Variants in ADGRB2 observed in about 807,000 individuals in gnomAD.
ADGRB2 encodes adhesion G protein-coupled receptor B2, also known as brain-specific angiogenesis inhibitor 2.
ADGRB2 carries 47 observed loss-of-function variants against 178.7 expected under a neutral mutation model. The observed-to-expected ratio is 0.26, with a 90% CI of 0.21 to 0.34. The LOEUF (loss-of-function observed/expected upper bound fraction) is 0.34, where lower values mean the gene tolerates loss of function less well. ADGRB2 is among the 10% of genes least tolerant of loss of function. The pLI is 1.00. For missense variants in ADGRB2, 1,584 were observed against 2,180.8 expected (o/e 0.73, Z 5.45); for synonymous variants, 870 against 912.4 (o/e 0.95, Z 0.84).
chr1:31,746,464 C>T (rs1042578997), intron 4 of ADGRB2, among the ~76,000 whole-genome samples: 1 of 152,136 alleles, frequency 6.6e-6, no homozygotes, highest in Non-Finnish European at 1.5e-5. Context: ...ACAAGCTACC[C>T]TCTCCACGCC....
At chr1:31,732,375 G>C in intron 27 of ADGRB2, 142 bp downstream of exon 27, 2 of 1,155,546 alleles carry the variant, frequency 1.7e-6, no homozygotes, top group Admixed American at 4.1e-5. Flanking sequence ...ATGCCACCCA[G>C]GTGTTAGTGG....
rs1228282569 is a variant in ADGRB2 at position 31,738,847 on chromosome 1, G to C, written c.2586C>G (p.Leu862=). Residue 862 remains leucine, a synonymous_variant, in exon 16 of 33, where the codon CTC becomes CTG. Transcript: ENST00000373658. The part of the protein sequence containing the change: ...PPAEPLITVE[L]SYIINGTTDP... The stretch of plus-strand genomic sequence containing the variant: ...CTCCACTCACATTGATGATGTAGGA[G>C]AGCTCCACAGTGATGAGGGGCTCAG... 6.2e-7 allele frequency: 1 copy of C among 1,614,104 alleles called. No individual in the cohort carries two copies. The highest frequency in any genetic ancestry group is 8.5e-7 in the Non-Finnish European group (1 of 1,180,024).
intron 29 of ADGRB2, among the ~76,000 whole-genome samples, chr1:31,729,099 C>A (rs1193342507): frequency 1.3e-5 from 2 of 152,120 alleles, no homozygotes; most frequent in Non-Finnish European, 2.9e-5. Context: ...GGCGCTGCCT[C>A]CCTGGCCTCT....
rs764872845 is a variant in ADGRB2, at chr1:31,739,484, C to T, written c.2319G>A (p.Lys773=). The change falls in exon 15 of 33, where the codon AAG becomes AAA. Residue 773 remains lysine, a synonymous_variant. Transcript: ENST00000373658. ...TGCCTGCTGCCCCAGATGTGGCTGG[C>T]TTCCCTGGGGAGGAGAGGCTGAGCA... is the stretch of plus-strand genomic sequence containing the variant. The part of the protein sequence containing the change: ...KEVLSLSSPG[K]PATSGAAGSP... 3 of 1,611,334 alleles carry T rather than the reference C, an allele frequency of 1.9e-6. No homozygotes were observed. The Admixed American group carries it at 5.0e-5, about 27-fold the overall frequency.
In ADGRB2 at chr1:31,728,505, G is replaced by A; in HGVS notation, c.4416+93C>T. 3.8e-6 allele frequency: 6 copies of A among 1,580,128 alleles called. No homozygotes were observed. Among genetic ancestry groups the A allele is most frequent in the Non-Finnish European group, 5.2e-6 (6 of 1,149,582 alleles). On this transcript the variant is annotated intron_variant, in intron 30 of 32. Coordinates refer to ENST00000373658, the MANE Select transcript of ADGRB2 (RefSeq NM_001364857.2). The surrounding 1 kb of genome is among the most constrained non-coding windows in gnomAD (Gnocchi z 6.7). ...GCTTGGGCTCCTGGGGTCAGGCTCT[G>A]CAACAGAGCTTGGACTACTTTTAGG...
chr1:31,738,890 G>A lies in ADGRB2; in HGVS notation c.2543C>T (p.Pro848Leu). ...TSRVMTVTVR[P>L]PTQPPAEPLI... is the part of the protein sequence containing the mutation. Reference sequence around the variant, plus strand: ...GGGCTCAGCTGGAGGCTGGGTAGGGGGGCGCACAGTCACTGTCATCACCCG... The same window carrying A: ...GGGCTCAGCTGGAGGCTGGGTAGGGAGGCGCACAGTCACTGTCATCACCCG... The change falls in exon 16 of 33, where the codon CCC becomes CTC. Residue 848 changes from proline to leucine, a missense_variant. Physicochemically the swap from Pro to Leu is moderately conservative, Grantham distance 98 (BLOSUM62 -3). Coordinates refer to ENST00000373658, the MANE Select transcript of ADGRB2 (RefSeq NM_001364857.2). The A allele has an allele frequency of 1.2e-6, 2 of 1,613,848 alleles. No homozygotes were observed. The highest frequency in any genetic ancestry group is 1.7e-6 in the Non-Finnish European group (2 of 1,179,992).
intron 4 of ADGRB2, among the ~76,000 whole-genome samples, chr1:31,746,601 C>T (rs761408558): frequency 2.2e-4 from 34 of 152,190 alleles, no homozygotes; most frequent in Non-Finnish European, 3.8e-4. Context: ...CTTCCTCATT[C>T]CCCGCTGTGG....
At chr1:31,743,415 C>CCCTT (rs1435219686) in intron 6 of ADGRB2, 2 of 166,020 alleles carry the variant, frequency 1.2e-5, no homozygotes, top group Non-Finnish European at 2.5e-5. Context: ...AAGAGAAGCG[C>CCCTT]CCTTCCCAGC....
At chr1:31,757,626 A>C in intron 1 of ADGRB2, 115 bp from the exon 2 acceptor site, 1 of 228,922 alleles carries the variant, frequency 4.4e-6, no homozygotes, top group Non-Finnish European at 8.7e-6. Flanking sequence ...CTCATCTGTA[A>C]AATGGGTGCA....
Position 31,728,447 on chromosome 1 carries a change from G to T in ADGRB2, c.4416+151C>A. The T allele has an allele frequency of 1.5e-6, 2 of 1,370,996 alleles. No homozygotes were observed. Among genetic ancestry groups the T allele is most frequent in the South Asian group, 1.2e-5 (1 of 83,986 alleles). The allele number at this position is 1,370,996 out of a possible 1,614,324, so 84.9% of individuals were successfully genotyped here. ...TTGGTGCTATGGGCTTGGGCAGGGA[G>T]GGAATCATGGGAAGATCCCACGGAA... On this transcript the variant is annotated intron_variant, in intron 30 of 32. Coordinates refer to ENST00000373658, the MANE Select transcript of ADGRB2 (RefSeq NM_001364857.2). The surrounding 1 kb of genome is among the most constrained non-coding windows in gnomAD (Gnocchi z 6.7).
chr1:31,736,306 G>A lies in ADGRB2; in HGVS notation c.3200+15C>T, dbSNP rs769617112. On this transcript the variant is annotated intron_variant, in intron 22 of 32. Coordinates refer to ENST00000373658, the MANE Select transcript of ADGRB2 (RefSeq NM_001364857.2). ...TCCACTACCCGCTACCACCCACCACGGGAGGCCCACGTACTAGCTGGATGT... is the reference window on the plus strand; with the variant it reads ...TCCACTACCCGCTACCACCCACCACAGGAGGCCCACGTACTAGCTGGATGT... 9.9e-6 allele frequency: 16 copies of A among 1,613,446 alleles called. No individual in the cohort carries two copies. The highest frequency in any genetic ancestry group is 8.0e-5 in the African/African-American group (6 of 74,908).
chr1:31,740,893 G>A lies in ADGRB2; in HGVS notation c.1795-352C>T, dbSNP rs371156984. 3.0e-4 allele frequency among the ~76,000 whole-genome samples: 10 copies of A among 33,762 alleles called. No individual in the cohort carries two copies. The highest frequency in any genetic ancestry group is 1.0e-3 in the East Asian group (1 of 966). The allele number at this position is 33,762 out of a possible 152,430, so 22.1% of individuals were successfully genotyped here. On this transcript the variant is annotated intron_variant, in intron 11 of 32. Coordinates refer to ENST00000373658, the MANE Select transcript of ADGRB2 (RefSeq NM_001364857.2). This position sits in a 1 kb window ranked among gnomAD's most constrained non-coding sequence, Gnocchi z 5.9. ...GTAATGAGCATGTGTGTGGGCGCGC[G>A]CGCACACACACACACACACACACAC... is the stretch of plus-strand genomic sequence containing the variant.
At position 31,761,792 on chromosome 1, in the gene ADGRB2, G is replaced by A. The variant is rs1159856050; in HGVS notation, c.-191+2092C>T. 1.3e-5 allele frequency among the ~76,000 whole-genome samples: 2 copies of A among 152,162 alleles called. No individual in the cohort carries two copies. Among genetic ancestry groups the A allele is most frequent in the African/African-American group, 4.8e-5 (2 of 41,424 alleles). ...TTTTTCTCCTTTGGGATTAGGAGTG[G>A]AGTGGAGAGGGGCCTGACCTTGGCC... On this transcript the variant is annotated intron_variant, in intron 1 of 32. Transcript: ENST00000373658. This position sits in a 1 kb window ranked among gnomAD's most constrained non-coding sequence, Gnocchi z 4.2.
chr1:31,757,718 A>T (rs889554819), intron 1 of ADGRB2, among the ~76,000 whole-genome samples: 1 of 150,272 alleles, frequency 6.7e-6, no homozygotes, highest in East Asian at 2.0e-4. Context: ...CTGCTACCCC[A>T]CCCCCCACTA....
Position 31,755,341 on chromosome 1 carries a change from G to A in ADGRB2, c.838+658C>T, listed in dbSNP as rs993413934. ...AGAGCTTTTGCCCAGTCAGCAGGAA[G>A]CTCTAGCAGCTGGCGGCCTCGGTCC... On this transcript the variant is annotated intron_variant, in intron 4 of 32. Coordinates refer to ENST00000373658, the MANE Select transcript of ADGRB2 (RefSeq NM_001364857.2). This position sits in a 1 kb window ranked among gnomAD's most constrained non-coding sequence, Gnocchi z 5.1. Among the ~76,000 whole-genome samples, 1 of 152,194 alleles carries A rather than the reference G, an allele frequency of 6.6e-6. No homozygotes were observed. Among genetic ancestry groups the A allele is most frequent in the African/African-American group, 2.4e-5 (1 of 41,446 alleles).
In ADGRB2 at chr1:31,737,782, T is replaced by C. The variant is rs1356573509; in HGVS notation, c.2773-27A>G. 1.4e-5 allele frequency: 22 copies of C among 1,604,170 alleles called. 1 individual carries two copies. In the Admixed American group the frequency reaches 3.7e-4, roughly 27 times the overall value. ...TGGGGAAGATGGGCAGACAGTCAGATGGGTTCCTGGGAGGGGGGAGCTGCA... is the reference window on the plus strand; with the variant it reads ...TGGGGAAGATGGGCAGACAGTCAGACGGGTTCCTGGGAGGGGGGAGCTGCA... On this transcript the variant is annotated intron_variant, in intron 18 of 32. Coordinates refer to ENST00000373658, the MANE Select transcript of ADGRB2 (RefSeq NM_001364857.2).
intron 4 of ADGRB2, among the ~76,000 whole-genome samples, chr1:31,749,748 C>T (rs1646465117): frequency 6.6e-6 from 1 of 152,134 alleles, no homozygotes; most frequent in Non-Finnish European, 1.5e-5. Flanking sequence ...CCCGTCTCTA[C>T]AAAGAAATAC....
In ADGRB2 at chr1:31,739,388, T is replaced by C; in HGVS notation, c.2415A>G (p.Pro805=). 1.9e-6 allele frequency: 3 copies of C among 1,541,748 alleles called. No individual in the cohort carries two copies. The highest frequency in any genetic ancestry group is 2.6e-6 in the Non-Finnish European group (3 of 1,143,294). ...AGTAGGAGGACTCATCAGGGTCTGC[T>C]GGGAGGAGGCGCTGGTGGGAGTGGC... ...GPGHSHQRLL[P]ADPDESSYFV... The change falls in exon 15 of 33, where the codon CCA becomes CCG. Residue 805 remains proline, a synonymous_variant. Transcript: ENST00000373658.
rs907475253 is a variant in ADGRB2 at position 31,728,750 on chromosome 1, A to G, written c.4381-117T>C. 19 of 1,243,830 alleles carry G rather than the reference A, an allele frequency of 1.5e-5. No individual in the cohort carries two copies. The highest frequency in any genetic ancestry group is 1.3e-4 in the East Asian group (5 of 38,630). The allele number at this position is 1,243,830 out of a possible 1,614,324, so 77.0% of individuals were successfully genotyped here. ...GTCTGCCCGCTGCACCTTCCCCCCAACCCAGGCCCAGAAGTTGCGGACCTT... is the reference window on the plus strand; with the variant it reads ...GTCTGCCCGCTGCACCTTCCCCCCAGCCCAGGCCCAGAAGTTGCGGACCTT... On this transcript the variant is annotated intron_variant, in intron 29 of 32. Coordinates refer to ENST00000373658, the MANE Select transcript of ADGRB2 (RefSeq NM_001364857.2). The surrounding 1 kb of genome is among the most constrained non-coding windows in gnomAD (Gnocchi z 6.7).
Sources: allele counts gnomAD v4.1 joint callset (sites outside exome capture counted in the v4.1 genomes callset), GRCh38; gene constraint gnomAD v4.1.1; non-coding constraint Gnocchi (gnomAD v3.1); transcripts MANE v1.5; gene names NCBI Gene and HGNC (gene_info 2026-07-23, HGNC 2026-07-21).